The following ARVCF variants were observed in gnomAD, a reference collection of about 807,000 sequenced individuals.
The protein encoded by ARVCF is ARVCF delta catenin family member.
A neutral mutation model predicts 90.9 loss-of-function variants in ARVCF; 66 were observed. That is an observed-to-expected ratio of 0.73 (90% CI 0.60 to 0.89). The LOEUF (loss-of-function observed/expected upper bound fraction) is 0.89, where lower values mean the gene tolerates loss of function less well. ARVCF is among the 40% of genes least tolerant of loss of function. The probability of loss-of-function intolerance (pLI) is 0.00; values close to 1 mark genes in which losing one functional copy is unlikely to be tolerated. For synonymous variants in ARVCF, 653 were observed against 603.4 expected (o/e 1.08, Z -1.21); for missense variants, 1,469 against 1,382.3 (o/e 1.06, Z -1.00).
chr22:19,989,510 G>A (rs953206123), intron 3 of ARVCF, among the ~76,000 whole-genome samples: 1 of 152,186 alleles, frequency 6.6e-6, no homozygotes, highest in Non-Finnish European at 1.5e-5. Context: ...CCATGGGGCT[G>A]CCTCAACAGA....
downstream of ARVCF, chr22:19,967,010 A>G (rs1942436291): frequency 1.0e-6 from 1 of 985,294 alleles, no homozygotes; most frequent in Non-Finnish European, 1.2e-6. Context: ...AGTAGCTGGT[A>G]GGAGGCTTGC....
chr22:19,985,017 C>T (rs12158907), intron 3 of ARVCF, among the ~76,000 whole-genome samples: 20 of 152,264 alleles, frequency 1.3e-4, no homozygotes, highest in African/African-American at 4.8e-4. Context: ...CCTGTCTGGC[C>T]CCAGTGTCCA....
chr22:20,009,937 A>G (rs958996285), intron 2 of ARVCF, among the ~76,000 whole-genome samples: 1 of 152,238 alleles, frequency 6.6e-6, no homozygotes, highest in East Asian at 1.9e-4. Context: ...TGCAGCTGTG[A>G]CAGAGACCAT....
Position 19,975,742 on chromosome 22 carries a change from T to C in ARVCF, c.1904A>G (p.Glu635Gly), listed in dbSNP as rs777421962. The C allele has an allele frequency of 2.5e-6, 4 of 1,613,450 alleles. No individual in the cohort carries two copies. The East Asian group carries it at 8.9e-5, about 36-fold the overall frequency. ...EWFHQGKKDGEMDRNFDTLDL... is the reference protein window; with the variant it reads ...EWFHQGKKDGGMDRNFDTLDL... ...TAGCGTGTCAAAGTTCCGGTCCATC[T>C]CACCATCCTTCTTTCCTGGAAGGGA... Residue 635 changes from glutamate (E) to glycine (G), a missense_variant, in exon 11 of 20, where the codon GAG becomes GGG. By Grantham distance (98) the Glu-to-Gly change is moderately conservative (BLOSUM62 -2). Coordinates refer to ENST00000263207, the MANE Select transcript of ARVCF (RefSeq NM_001670.3).
downstream of ARVCF, among the ~76,000 whole-genome samples, chr22:19,965,878 CT>C (rs1039579769): frequency 1.3e-5 from 2 of 152,146 alleles, no homozygotes; most frequent in African/African-American, 4.8e-5. Flanking sequence ...GGGCTCACCC[CT>C]GACAAAGGAG....
In ARVCF at chr22:19,990,620, GCTGCCCA is replaced by G; in HGVS notation, c.168_174del (p.Gly57ProfsTer36). 6.2e-7 allele frequency: 1 copy of G among 1,610,116 alleles called. No homozygotes were observed. Among genetic ancestry groups the G allele is most frequent in the African/African-American group, 1.3e-5 (1 of 75,042 alleles). On this transcript the variant is annotated frameshift_variant, in exon 3 of 20. Transcript: ENST00000263207. LOFTEE classifies it high-confidence loss of function. ...AGCTGTTGCCAGGCCATTGGCAGGGGCTGCCCACTGCCCATGCCACCACTGACCATGC... is the reference window on the plus strand; with the variant it reads ...AGCTGTTGCCAGGCCATTGGCAGGGGCTGCCCATGCCACCACTGACCATGC...
chr22:19,974,324 C>G, intron 11 of ARVCF, 85 bp from the exon 12 acceptor site: 2 of 1,459,914 alleles, frequency 1.4e-6, no homozygotes, highest in East Asian at 2.5e-5. Flanking sequence ...TTCAGAGCTC[C>G]CAGGGCGTGG....
chr22:19,975,785 G>A (rs750516266), intron 10 of ARVCF, 28 bp from the exon 11 acceptor site: 24 of 1,611,098 alleles, frequency 1.5e-5, no homozygotes, highest in Non-Finnish European at 2.0e-5. Flanking sequence ...TGGGAGGTGA[G>A]GCAGACCCCA....
At position 19,982,643 on chromosome 22, in the gene ARVCF, CCGCCACCAA is replaced by C. The variant is rs374583524; in HGVS notation, c.211-561_211-553del. The stretch of plus-strand genomic sequence containing the variant: ...GACTCCTGTGGCCACACTAAGGTTC[CCGCCACCAA>C]CGCCAGCCAGACGCCCTCAAGGGAC... On this transcript the variant is annotated intron_variant, in intron 3 of 19. Transcript: ENST00000263207. Among the ~76,000 whole-genome samples the C allele has an allele frequency of 7.1e-3, 1,079 of 152,326 alleles. 3 individuals are homozygous for C. Among genetic ancestry groups the C allele is most frequent in the Non-Finnish European group, 0.01 (704 of 68,020 alleles).
rs1942698491 is a variant in ARVCF at position 19,970,575 on chromosome 22, G to C, written c.*181C>G. The C allele has an allele frequency of 2.4e-6, 3 of 1,228,866 alleles. No individual in the cohort carries two copies. The highest frequency in any genetic ancestry group is 3.1e-6 in the Non-Finnish European group (3 of 960,988). 76.1% of individuals were successfully genotyped at this position (1,228,866 alleles called of 1,614,324 possible). A position where few individuals can be genotyped will look rare whatever the true frequency, so the allele number is the denominator to read the frequency against. On this transcript the variant is annotated 3_prime_UTR_variant, in exon 20 of 20. Transcript: ENST00000263207. ...CAGGCCTAGGGAGTTAGGTAGGATGGGGGGAGTGGGGTGGGGGGGCAGGAG... is the reference window on the plus strand; with the variant it reads ...CAGGCCTAGGGAGTTAGGTAGGATGCGGGGAGTGGGGTGGGGGGGCAGGAG...
chr22:19,986,074 C>T (rs62223687), intron 3 of ARVCF, among the ~76,000 whole-genome samples: 17,610 of 152,312 alleles, frequency 0.12, 1,388 homozygotes, highest in Middle Eastern at 0.2. Flanking sequence ...CCTGCCAGGG[C>T]GTGGCCCCAG....
In ARVCF at chr22:19,975,688, T is replaced by C; in HGVS notation, c.1958A>G (p.Lys653Arg). ...LDLPKRTEAA[K>R]GFELLYQPEV... ...TGGCTTCATCTCAGCCCACTCACCT[T>C]TGGCGGCCTCAGTTCGCTTGGGCAG... is the stretch of plus-strand genomic sequence containing the variant. Residue 653 changes from lysine to arginine, a missense_variant and splice_region_variant, in exon 11 of 20, where the codon AAA becomes AGA. Lys to Arg is a conservative substitution (Grantham distance 26, BLOSUM62 2). Coordinates refer to ENST00000263207, the MANE Select transcript of ARVCF (RefSeq NM_001670.3). The C allele has an allele frequency of 1.2e-6, 2 of 1,613,588 alleles. No individual in the cohort carries two copies. Among genetic ancestry groups the C allele is most frequent in the South Asian group, 2.2e-5 (2 of 91,076 alleles).
chr22:19,996,493 C>A (rs1166469909), intron 2 of ARVCF, among the ~76,000 whole-genome samples: 1 of 152,208 alleles, frequency 6.6e-6, no homozygotes, highest in Non-Finnish European at 1.5e-5. Flanking sequence ...CTAGGCTCTC[C>A]ACTTCTGTGC....
Position 19,978,912 on chromosome 22 carries a change from G to A in ARVCF, c.1565C>T (p.Thr522Met), listed in dbSNP as rs372206407. ...TGGTCCACACCTCAGGCAGCCCGAC[G>A]TGTTCTTGAAGACAGTTGTCCACTC... The part of the protein sequence containing the change: ...DAEWTTVFKN[T>M]SGCLRNVSSD... Residue 522 changes from threonine (T) to methionine (M), a missense_variant, in exon 7 of 20, where the codon ACG (threonine) becomes ATG (methionine). Coordinates refer to ENST00000263207, the MANE Select transcript of ARVCF (RefSeq NM_001670.3). The A allele has an allele frequency of 5.6e-6, 9 of 1,611,802 alleles. No individual in the cohort carries two copies. The highest frequency in any genetic ancestry group is 4.5e-5 in the East Asian group (2 of 44,828).
chr22:19,992,777 C>T (rs2238788), intron 2 of ARVCF, among the ~76,000 whole-genome samples: 52,468 of 152,040 alleles, frequency 0.35, 9,615 homozygotes, highest in Non-Finnish European at 0.42. Context: ...CTACACCACA[C>T]ACCCCATCCC....
rs1942914975 is a variant in ARVCF, at chr22:19,972,995, T to C, written c.2480A>G (p.Gln827Arg). 10 of 1,613,500 alleles carry C rather than the reference T, an allele frequency of 6.2e-6. No individual in the cohort carries two copies. The highest frequency in any genetic ancestry group is 1.7e-5 in the Admixed American group (1 of 60,028). Residue 827 changes from glutamine to arginine, a missense_variant, in exon 15 of 20, where the codon CAG becomes CGG. Gln to Arg is a conservative substitution (Grantham distance 43). Coordinates refer to ENST00000263207, the MANE Select transcript of ARVCF (RefSeq NM_001670.3). ...CAGCTCCTTGTAGCTCCACACTGTCTGCAGCACGTGTGACGCCGCCTTCGC... is the reference window on the plus strand; with the variant it reads ...CAGCTCCTTGTAGCTCCACACTGTCCGCAGCACGTGTGACGCCGCCTTCGC... The part of the protein sequence containing the change: ...REAKAASHVL[Q>R]TVWSYKELRG...
chr22:19,991,402 G>A (rs1213842614), intron 2 of ARVCF, among the ~76,000 whole-genome samples: 1 of 152,242 alleles, frequency 6.6e-6, no homozygotes, highest in Non-Finnish European at 1.5e-5. Flanking sequence ...CAGCAGTCCA[G>A]CCTCCACTCA....
rs771030950 is a variant in ARVCF at position 19,972,757 on chromosome 22, G to A, written c.2621C>T (p.Pro874Leu). The part of the protein sequence containing the change: ...SPGGFDDSTL[P>L]LVDKSLEGEK... ...CTCACCAAGGCTCTTGTCCACCAGT[G>A]GCAGCGTGCTGTCATCGAAGCCCCC... The change falls in exon 16 of 20, where the codon CCA (proline) becomes CTA (leucine). Residue 874 changes from proline to leucine, a missense_variant. Coordinates refer to ENST00000263207, the MANE Select transcript of ARVCF (RefSeq NM_001670.3). The A allele has an allele frequency of 6.2e-7, 1 of 1,612,348 alleles. No individual in the cohort carries two copies. Among genetic ancestry groups the A allele is most frequent in the Non-Finnish European group, 8.5e-7 (1 of 1,179,152 alleles).
At chr22:20,000,727 T>G (rs1006443551) in intron 2 of ARVCF, among the ~76,000 whole-genome samples, 2 of 151,926 alleles carry the variant, frequency 1.3e-5, no homozygotes, top group African/African-American at 4.8e-5. Context: ...CTTTAGGAGG[T>G]GATTAGTGCC....
Sources: gnomAD v4.1 joint callset for allele counts (sites outside exome capture counted in the v4.1 genomes callset) on GRCh38, gnomAD v4.1.1 for gene constraint, MANE v1.5 for transcripts, NCBI Gene and HGNC (gene_info 2026-07-23, HGNC 2026-07-21) for gene names.